UNC13B: variants seen among roughly 807,000 people sequenced by gnomAD.
UNC13B encodes the protein protein unc-13 homolog B.
UNC13B carries 144 observed loss-of-function variants against 211.0 expected under a neutral mutation model. The ratio of observed to expected loss-of-function variants is 0.68; its 90% CI spans 0.60 to 0.78. The LOEUF is 0.78. Among genes scored for constraint, UNC13B ranks in the 30% least tolerant of loss-of-function variants. The probability of loss-of-function intolerance (pLI) is 0.00; values close to 1 mark genes in which losing one functional copy is unlikely to be tolerated. For missense variants in UNC13B, 1,777 were observed against 2,002.0 expected (o/e 0.89, Z 2.14); for synonymous variants, 709 against 725.8 (o/e 0.98, Z 0.37).
chr9:35,246,100 A>G (rs1333045179), intron 6 of UNC13B, among the ~76,000 whole-genome samples: 2 of 152,158 alleles, frequency 1.3e-5, no homozygotes, highest in African/African-American at 4.8e-5. Flanking sequence ...TCTGATGGCC[A>G]GTGATGATGA....
At chr9:35,165,277 C>G (rs1456576150) in intron 1 of UNC13B, among the ~76,000 whole-genome samples, 1 of 151,948 alleles carries the variant, frequency 6.6e-6, no homozygotes, top group Non-Finnish European at 1.5e-5. Flanking sequence ...TTTAGCTTAA[C>G]ATAAAGAAGA....
intron 7 of UNC13B, among the ~76,000 whole-genome samples, chr9:35,270,245 C>T (rs76276161): frequency 0.049 from 7,446 of 152,198 alleles, 416 homozygotes; most frequent in East Asian, 0.3. Context: ...AGGGAACACA[C>T]TATGTTCTTC....
In UNC13B at chr9:35,398,857, G is replaced by C. The variant is rs754798337; in HGVS notation, c.11922-25G>C. ...GACAGTGTGTGTTTGGGGAGGGAAAGGCTACACTGCGGGCACATGTGTAGT... is the reference window on the plus strand; with the variant it reads ...GACAGTGTGTGTTTGGGGAGGGAAACGCTACACTGCGGGCACATGTGTAGT... On this transcript the variant is annotated intron_variant, in intron 32 of 39. Transcript: ENST00000635942. 7.5e-6 allele frequency: 12 copies of C among 1,606,094 alleles called. No individual in the cohort carries two copies. The South Asian group carries it at 1.3e-4, about 18-fold the overall frequency.
intron 11 of UNC13B, chr9:35,352,814 C>G: frequency 1.6e-6 from 2 of 1,232,146 alleles, no homozygotes; most frequent in Non-Finnish European, 2.0e-6. Context: ...GGAACCTGCC[C>G]TAGTATTAAT....
rs569199236 is a variant in UNC13B, at chr9:35,306,041, A to T, written c.6637A>T (p.Thr2213Ser). 20 of 398,974 alleles carry T rather than the reference A, an allele frequency of 5.0e-5. No homozygotes were observed. Among genetic ancestry groups the T allele is most frequent in the African/African-American group, 3.7e-4 (18 of 48,734 alleles). The allele number at this position is 398,974 out of a possible 1,614,324, so 24.7% of individuals were successfully genotyped here. The change falls in exon 9 of 40, where the codon ACT becomes TCT. Residue 2213 changes from threonine to serine, a missense_variant. Thr to Ser is a moderately conservative substitution (Grantham distance 58). Coordinates refer to ENST00000635942, the MANE Select transcript of UNC13B (RefSeq NM_001371189.2). ...IKKDASHSSS[T>S]FSFFSLSFLD... The stretch of plus-strand genomic sequence containing the variant: ...GAAGGATGCCTCTCATAGTAGTTCT[A>T]CTTTTAGTTTCTTCAGCTTGTCCTT...
At chr9:35,193,974 G>T (rs919803884) in intron 1 of UNC13B, among the ~76,000 whole-genome samples, 2 of 151,916 alleles carry the variant, frequency 1.3e-5, no homozygotes, top group African/African-American at 4.8e-5. Flanking sequence ...GAGTGACCTT[G>T]ACACGCCATG....
At chr9:35,357,084 C>T (rs144288970) in intron 11 of UNC13B, among the ~76,000 whole-genome samples, 11 of 152,238 alleles carry the variant, frequency 7.2e-5, no homozygotes, top group African/African-American at 2.6e-4. Flanking sequence ...ATTTTCAATT[C>T]TCTTGGGTAT....
In UNC13B at chr9:35,403,751, C is replaced by A. The variant is rs1836497660; in HGVS notation, c.12741C>A (p.Leu4247=). 6.2e-7 allele frequency: 1 copy of A among 1,613,862 alleles called. No homozygotes were observed. Among genetic ancestry groups the A allele is most frequent in the African/African-American group, 1.3e-5 (1 of 74,864 alleles). The change falls in exon 40 of 40, where the codon CTC becomes CTA. Residue 4247 remains leucine (L), a synonymous_variant. Coordinates refer to ENST00000635942, the MANE Select transcript of UNC13B (RefSeq NM_001371189.2). ...APKYNETFHF[L]LGNEEGPESY... Reference sequence around the variant, plus strand: ...AACTTCTATCTTGTGCTCACAGCCTCCTGGGAAATGAGGAGGGGCCCGAGT... The same window carrying A: ...AACTTCTATCTTGTGCTCACAGCCTACTGGGAAATGAGGAGGGGCCCGAGT...
chr9:35,227,770 C>A, intron 1 of UNC13B: 1 of 402,814 alleles, frequency 2.5e-6, no homozygotes, highest in Non-Finnish European at 4.4e-6. Flanking sequence ...TAGATCTCTC[C>A]ACCTTGTTGT....
At chr9:35,166,111 G>C (rs1312525449) in intron 1 of UNC13B, among the ~76,000 whole-genome samples, 1 of 152,120 alleles carries the variant, frequency 6.6e-6, no homozygotes, top group African/African-American at 2.4e-5. Context: ...GCCAGTCGTG[G>C]TGGCTCTTGC....
In UNC13B at chr9:35,382,256, C is replaced by T. The variant is rs998394663; in HGVS notation, c.10656-101C>T. On this transcript the variant is annotated intron_variant, in intron 20 of 39. Coordinates refer to ENST00000635942, the MANE Select transcript of UNC13B (RefSeq NM_001371189.2). ...TAGGCAAGAGAGGGCAGCAATTGCC[C>T]TGGCTGTGCTTCATTTATCCCATAA... 5 of 1,491,050 alleles carry T rather than the reference C, an allele frequency of 3.4e-6. No homozygotes were observed. In the Admixed American group the frequency reaches 1.1e-4, roughly 32 times the overall value. 92.4% of individuals were successfully genotyped at this position (1,491,050 alleles called of 1,614,324 possible). A position where few individuals can be genotyped will look rare whatever the true frequency, so the allele number is the denominator to read the frequency against.
At position 35,301,927 on chromosome 9, in the gene UNC13B, A is replaced by G; in HGVS notation, c.2523A>G (p.Glu841=). The G allele has an allele frequency of 2.5e-6, 1 of 398,810 alleles. No homozygotes were observed. The allele number at this position is 398,810 out of a possible 1,614,324, so 24.7% of individuals were successfully genotyped here. ...CTGTGAAAATTCGCCAGGTGGAGGAAGATGGTTTAGAAAGGGGCTCTAAGA... is the reference window on the plus strand; with the variant it reads ...CTGTGAAAATTCGCCAGGTGGAGGAGGATGGTTTAGAAAGGGGCTCTAAGA... ...SEPVKIRQVE[E]DGLERGSKKD... Residue 841 remains glutamate, a synonymous_variant, in exon 9 of 40, where the codon GAA becomes GAG. Coordinates refer to ENST00000635942, the MANE Select transcript of UNC13B (RefSeq NM_001371189.2).
chr9:35,201,671 C>T (rs1370719196), intron 1 of UNC13B, among the ~76,000 whole-genome samples: 8 of 152,000 alleles, frequency 5.3e-5, no homozygotes, highest in Non-Finnish European at 8.8e-5. Context: ...TCTGTGGGAT[C>T]GGTGGTGATA....
chr9:35,371,360 T>A (rs1397294413), intron 13 of UNC13B, among the ~76,000 whole-genome samples: 4 of 151,252 alleles, frequency 2.6e-5, no homozygotes, highest in African/African-American at 9.7e-5. Flanking sequence ...TTTTTTTTTT[T>A]TTTTATAGAG....
At chr9:35,309,063 G>A (rs1298561621) in intron 9 of UNC13B, among the ~76,000 whole-genome samples, 1 of 152,162 alleles carries the variant, frequency 6.6e-6, no homozygotes, top group Non-Finnish European at 1.5e-5. Flanking sequence ...CAGGAACTCA[G>A]AGCTGTCCTT....
chr9:35,180,757 T>G (rs1459372663), intron 1 of UNC13B, among the ~76,000 whole-genome samples: 1 of 152,120 alleles, frequency 6.6e-6, no homozygotes, highest in Non-Finnish European at 1.5e-5. Flanking sequence ...TTTTGTTCAT[T>G]AGTTCTGAAA....
At chr9:35,205,142 C>T (rs1823568401) in intron 1 of UNC13B, among the ~76,000 whole-genome samples, 1 of 152,146 alleles carries the variant, frequency 6.6e-6, no homozygotes, top group African/African-American at 2.4e-5. Context: ...CCTGCTCTGG[C>T]CATGTGAAGT....
intron 7 of UNC13B, among the ~76,000 whole-genome samples, chr9:35,265,525 A>G (rs1236844807): frequency 6.6e-6 from 1 of 152,234 alleles, no homozygotes; most frequent in Non-Finnish European, 1.5e-5. Context: ...AGATGTATAC[A>G]CTATGTAAAT....
At chr9:35,270,535 A>G (rs1827819208) in intron 7 of UNC13B, among the ~76,000 whole-genome samples, 2 of 152,310 alleles carry the variant, frequency 1.3e-5, no homozygotes, top group South Asian at 4.1e-4. Context: ...TAGGATTAAT[A>G]TACCCAGTGC....
Sources: allele counts gnomAD v4.1 joint callset (sites outside exome capture counted in the v4.1 genomes callset), GRCh38; gene constraint gnomAD v4.1.1; transcripts MANE v1.5; gene names NCBI Gene and HGNC (gene_info 2026-07-23, HGNC 2026-07-21).